Variants in ARHGAP42 observed in about 807,000 individuals in gnomAD.
ARHGAP42 encodes the protein Rho GTPase activating protein 42.
In ARHGAP42, 63 loss-of-function variants were observed where a neutral mutation model predicts 125.0. The observed-to-expected ratio is 0.50, with a 90% CI of 0.41 to 0.62. The LOEUF is 0.62. Ranked by LOEUF, ARHGAP42 falls within the 20% of genes least tolerant of loss-of-function variation. The pLI, the probability that ARHGAP42 is intolerant of heterozygous loss-of-function variation, is 0.00. For missense variants in ARHGAP42, 766 were observed against 1,024.2 expected, an observed-to-expected ratio of 0.75 and a Z score of 3.44; for synonymous variants, 339 against 351.0, an observed-to-expected ratio of 0.97 and a Z score of 0.38.
intron 3 of ARHGAP42, among the ~76,000 whole-genome samples, chr11:100,837,153 T>C (rs1864807500): frequency 6.6e-6 from 1 of 152,166 alleles, no homozygotes; most frequent in African/African-American, 2.4e-5. Flanking sequence ...TACGACTCTT[T>C]GTCTTGAGAC....
At chr11:100,864,809 GC>G (rs1371398222) in intron 4 of ARHGAP42, among the ~76,000 whole-genome samples, 1 of 152,108 alleles carries the variant, frequency 6.6e-6, no homozygotes, top group Non-Finnish European at 1.5e-5. Context: ...TTTCAAATAT[GC>G]CCAAACTTAC....
chr11:100,974,214 T>C (rs1858328324), intron 18 of ARHGAP42, among the ~76,000 whole-genome samples: 1 of 152,202 alleles, frequency 6.6e-6, no homozygotes, highest in African/African-American at 2.4e-5. Context: ...CAATATGTCT[T>C]GTTCATATTT....
chr11:100,733,502 A>G (rs150213489), intron 1 of ARHGAP42, among the ~76,000 whole-genome samples: 13 of 152,288 alleles, frequency 8.5e-5, no homozygotes, highest in African/African-American at 3.1e-4. Flanking sequence ...GTTCCTTAAG[A>G]GATGTAGCTC....
chr11:100,801,854 T>TATAA (rs1453838761), intron 3 of ARHGAP42, among the ~76,000 whole-genome samples: 2 of 152,210 alleles, frequency 1.3e-5, no homozygotes, highest in Non-Finnish European at 2.9e-5. Context: ...ATGGCACAAA[T>TATAA]ATAAGAAATA....
intron 3 of ARHGAP42, among the ~76,000 whole-genome samples, chr11:100,818,548 A>G (rs944444063): frequency 6.6e-6 from 1 of 152,178 alleles, no homozygotes; most frequent in Non-Finnish European, 1.5e-5. Flanking sequence ...GATAGAGGGG[A>G]AAAGGAGAGG....
intron 7 of ARHGAP42, among the ~76,000 whole-genome samples, chr11:100,934,741 T>G (rs754982818): frequency 3.3e-5 from 5 of 152,234 alleles, no homozygotes; most frequent in Admixed American, 1.3e-4. Flanking sequence ...GTTTTTCTGC[T>G]TATCTGGTTC....
intron 3 of ARHGAP42, among the ~76,000 whole-genome samples, chr11:100,827,778 G>A (rs1864559457): frequency 6.6e-6 from 1 of 152,186 alleles, no homozygotes; most frequent in Non-Finnish European, 1.5e-5. Context: ...CATCTCCTTG[G>A]CCAGAGAAAA....
intron 22 of ARHGAP42, among the ~76,000 whole-genome samples, chr11:100,987,001 A>G (rs1205164160): frequency 6.6e-6 from 1 of 152,144 alleles, no homozygotes; most frequent in African/African-American, 2.4e-5. Flanking sequence ...TGGTGAAGCT[A>G]TAGTTGGTTG....
intron 4 of ARHGAP42, among the ~76,000 whole-genome samples, chr11:100,902,477 T>C (rs990935675): frequency 2.0e-5 from 3 of 152,166 alleles, no homozygotes; most frequent in Non-Finnish European, 2.9e-5. Flanking sequence ...CCCTTGAAAA[T>C]GTTTTGTTTT....
chr11:100,699,940 C>T (rs1861368929), intron 1 of ARHGAP42, among the ~76,000 whole-genome samples: 1 of 152,070 alleles, frequency 6.6e-6, no homozygotes, highest in African/African-American at 2.4e-5. Context: ...TCGTGGTTGC[C>T]AGCCATCCAG....
intron 4 of ARHGAP42, among the ~76,000 whole-genome samples, chr11:100,897,199 A>G (rs1210404966): frequency 6.6e-6 from 1 of 152,096 alleles, no homozygotes; most frequent in Non-Finnish European, 1.5e-5. Context: ...ATTGGTCTGT[A>G]TATCTGTACT....
intron 1 of ARHGAP42, among the ~76,000 whole-genome samples, chr11:100,700,461 C>T (rs1294023266): frequency 6.6e-6 from 1 of 152,174 alleles, no homozygotes. Context: ...ATAGCATTCA[C>T]CCATAGTAGA....
At chr11:100,981,820 G>C (rs1248725001) in intron 22 of ARHGAP42, among the ~76,000 whole-genome samples, 1 of 152,162 alleles carries the variant, frequency 6.6e-6, no homozygotes, top group East Asian at 1.9e-4. Context: ...TTGATATTGG[G>C]AATCAGAGAC....
At chr11:100,806,562 A>G (rs944756768) in intron 3 of ARHGAP42, among the ~76,000 whole-genome samples, 1 of 150,874 alleles carries the variant, frequency 6.6e-6, no homozygotes, top group African/African-American at 2.4e-5. Flanking sequence ...TGGCCTCCAT[A>G]GCAACATTCT....
chr11:100,799,098 G>A (rs1337907032), intron 3 of ARHGAP42, among the ~76,000 whole-genome samples: 1 of 152,226 alleles, frequency 6.6e-6, no homozygotes, highest in African/African-American at 2.4e-5. Flanking sequence ...ACACCTAGAA[G>A]TTTTTGTGTT....
intron 2 of ARHGAP42, among the ~76,000 whole-genome samples, chr11:100,780,567 G>T (rs939289296): frequency 6.6e-6 from 1 of 152,214 alleles, no homozygotes; most frequent in African/African-American, 2.4e-5. Context: ...CGTTATTGAA[G>T]ACTAATAATA....
chr11:100,993,468 A>G lies in ARHGAP42; in HGVS notation c.*4667A>G, dbSNP rs1368960440. ...ACTGGTCTAAGAACACTGTCTGCAC[A>G]TGATTGATGCTTAAAATCCAATATA... On this transcript the variant is annotated 3_prime_UTR_variant, in exon 24 of 24. Transcript: ENST00000298815. 1.2e-5 allele frequency: 2 copies of G among 167,028 alleles called. No individual in the cohort carries two copies. Among genetic ancestry groups the G allele is most frequent in the South Asian group, 2.1e-4 (1 of 4,830 alleles). The allele number at this position is 167,028 out of a possible 1,614,324, so 10.3% of individuals were successfully genotyped here.
At chr11:100,728,712 G>A (rs1861902840) in intron 1 of ARHGAP42, among the ~76,000 whole-genome samples, 2 of 31,864 alleles carry the variant, frequency 6.3e-5, no homozygotes. Context: ...GAATGACTTT[G>A]CGTATATATA....
At chr11:100,830,062 T>C (rs1004758374) in intron 3 of ARHGAP42, among the ~76,000 whole-genome samples, 1 of 152,210 alleles carries the variant, frequency 6.6e-6, no homozygotes, top group African/African-American at 2.4e-5. Context: ...TAATAGGATG[T>C]TAGTAAGGGC....
Sources: gnomAD v4.1 joint callset for allele counts (sites outside exome capture counted in the v4.1 genomes callset) on GRCh38, gnomAD v4.1.1 for gene constraint, MANE v1.5 for transcripts, NCBI Gene and HGNC (gene_info 2026-07-23, HGNC 2026-07-21) for gene names.